The following SYN3 variants were observed in gnomAD, a reference collection of about 807,000 sequenced individuals.
SYN3 encodes the protein synapsin III, also known as synapsin-3.
In SYN3, 35 loss-of-function variants were observed where a neutral mutation model predicts 65.8. The ratio of observed to expected loss-of-function variants is 0.53; its 90% CI spans 0.41 to 0.70. The LOEUF (loss-of-function observed/expected upper bound fraction) is 0.70. Among genes scored for constraint, SYN3 ranks in the 30% least tolerant of loss-of-function variants. The pLI is 0.00. For synonymous variants in SYN3, 270 were observed against 292.9 expected (o/e 0.92, Z 0.80); for missense variants, 680 against 749.0 (o/e 0.91, Z 1.08).
At chr22:32,526,779 A>G (rs1324691809) in intron 12 of SYN3, among the ~76,000 whole-genome samples, 2 of 152,074 alleles carry the variant, frequency 1.3e-5, no homozygotes, top group South Asian at 2.1e-4. Context: ...TCGGCCTCCC[A>G]AAGTGCTGGG....
At chr22:32,912,898 T>C (rs1354812808) in intron 4 of SYN3, among the ~76,000 whole-genome samples, 2 of 152,094 alleles carry the variant, frequency 1.3e-5, no homozygotes, top group African/African-American at 4.8e-5. Flanking sequence ...AATTATTCTA[T>C]ACGATACCGC....
chr22:32,565,473 A>C (rs1464229846), intron 7 of SYN3, among the ~76,000 whole-genome samples: 2 of 150,876 alleles, frequency 1.3e-5, no homozygotes, highest in Non-Finnish European at 3.0e-5. Flanking sequence ...GTTTACGTAT[A>C]TACATATATA....
At chr22:32,909,886 G>A (rs1367739689) in intron 4 of SYN3, among the ~76,000 whole-genome samples, 1 of 152,140 alleles carries the variant, frequency 6.6e-6, no homozygotes, top group African/African-American at 2.4e-5. Flanking sequence ...GGGGGCACCT[G>A]TCAGCATTTG....
chr22:32,802,513 A>T (rs1274654341), intron 6 of SYN3, among the ~76,000 whole-genome samples: 5 of 142,474 alleles, frequency 3.5e-5, no homozygotes, highest in African/African-American at 1.3e-4. Context: ...TGAATAGTTA[A>T]AAAAAAAAAA....
rs766071754 is a variant in SYN3, at chr22:32,596,741, A to G, written c.712-5T>C. On this transcript the variant is annotated splice_polypyrimidine_tract_variant and splice_region_variant and intron_variant, in intron 6 of 13. Transcript: ENST00000358763. ...CGGGAAGTGTGGGGCTGTGACCTGA[A>G]AGAGACAAGAAGAAGTCACTCTTAA... 11 of 1,613,736 alleles carry G rather than the reference A, an allele frequency of 6.8e-6. No homozygotes were observed. The South Asian group carries it at 1.2e-4, about 18-fold the overall frequency.
In SYN3 at chr22:32,670,141, C is replaced by A. The variant is rs1008334498; in HGVS notation, c.712-73405G>T. ...TACCATTTAATATACATCATCACGG[C>A]TTCTTGGAAAGATTTCAGGATTGGT... On this transcript the variant is annotated intron_variant, in intron 6 of 13. Coordinates refer to ENST00000358763, the MANE Select transcript of SYN3 (RefSeq NM_003490.4). Among the ~76,000 whole-genome samples, 6 of 152,288 alleles carry A rather than the reference C, an allele frequency of 3.9e-5. No homozygotes were observed. In the South Asian group the frequency reaches 1.2e-3, roughly 32 times the overall value.
intron 4 of SYN3, among the ~76,000 whole-genome samples, chr22:32,928,378 A>G (rs985577326): frequency 6.6e-6 from 1 of 152,212 alleles, no homozygotes; most frequent in African/African-American, 2.4e-5. Flanking sequence ...TAACCTACCA[A>G]ACATCATCGC....
chr22:32,920,610 C>T (rs761681387), intron 4 of SYN3, among the ~76,000 whole-genome samples: 7 of 152,192 alleles, frequency 4.6e-5, no homozygotes, highest in Non-Finnish European at 1.0e-4. Context: ...TTACAAAGCA[C>T]TCCTAGAATC....
At chr22:33,007,626 A>C (rs2053229852) in intron 1 of SYN3, among the ~76,000 whole-genome samples, 1 of 152,224 alleles carries the variant, frequency 6.6e-6, no homozygotes, top group African/African-American at 2.4e-5. Flanking sequence ...GTGAAAGCAA[A>C]GGTAAAAGGC....
chr22:32,715,050 T>G lies in SYN3; in HGVS notation c.712-118314A>C, dbSNP rs1411529171. On this transcript the variant is annotated intron_variant, in intron 6 of 13. Transcript: ENST00000358763. ...ACAAGATAATAAAGGAATTTTATGA[T>G]GAAATACATTAGGAAAACCTACATG... Among the ~76,000 whole-genome samples, 4 of 152,210 alleles carry G rather than the reference T, an allele frequency of 2.6e-5. No individual in the cohort carries two copies. In the South Asian group the frequency reaches 8.3e-4, roughly 31 times the overall value.
intron 6 of SYN3, among the ~76,000 whole-genome samples, chr22:32,827,699 C>A (rs541730047): frequency 2.0e-3 from 311 of 152,330 alleles, no homozygotes; most frequent in African/African-American, 7.3e-3. Flanking sequence ...TCAAAGCCCT[C>A]CAGTGGCTTC....
At chr22:32,911,850 C>G (rs986651342) in intron 4 of SYN3, among the ~76,000 whole-genome samples, 1 of 152,138 alleles carries the variant, frequency 6.6e-6, no homozygotes, top group Admixed American at 6.5e-5. Context: ...GCTCTGTCAC[C>G]AGCAGAGGCC....
At chr22:32,601,905 G>A (rs925881919) in intron 6 of SYN3, among the ~76,000 whole-genome samples, 1 of 151,916 alleles carries the variant, frequency 6.6e-6, no homozygotes, top group Admixed American at 6.6e-5. Flanking sequence ...AGAAATGGTA[G>A]AGGGAGTGGG....
Position 32,522,602 on chromosome 22 carries a change from A to G in SYN3, c.1319-4268T>C, listed in dbSNP as rs533379965. On this transcript the variant is annotated intron_variant, in intron 12 of 13. Transcript: ENST00000358763. ...TGCATTAGTTACAAGGATTGTTAAT[A>G]ATAAACATGAAAAGCAATATGTATA... 1.6e-4 allele frequency among the ~76,000 whole-genome samples: 25 copies of G among 152,354 alleles called. 1 individual carries two copies. The highest frequency in any genetic ancestry group is 1.2e-3 in the South Asian group (6 of 4,822).
At chr22:33,022,307 G>A (rs2053574065) in intron 1 of SYN3, among the ~76,000 whole-genome samples, 1 of 152,142 alleles carries the variant, frequency 6.6e-6, no homozygotes, top group Non-Finnish European at 1.5e-5. Context: ...ATGAGCATAG[G>A]CAGTGAAGTC....
chr22:32,531,093 A>C (rs2058061731), intron 10 of SYN3, among the ~76,000 whole-genome samples: 1 of 146,086 alleles, frequency 6.8e-6, no homozygotes, highest in Non-Finnish European at 1.5e-5. Context: ...AGGGCCCCGG[A>C]AAACAGGCCT....
chr22:32,760,912 G>A (rs2045461309), intron 6 of SYN3, among the ~76,000 whole-genome samples: 2 of 152,220 alleles, frequency 1.3e-5, no homozygotes. Context: ...CCAGGCAGCT[G>A]GTCCAGGGTC....
At chr22:32,731,533 A>G (rs1432485171) in intron 6 of SYN3, among the ~76,000 whole-genome samples, 1 of 152,194 alleles carries the variant, frequency 6.6e-6, no homozygotes, top group Non-Finnish European at 1.5e-5. Context: ...GATGCAAGAT[A>G]CAACCCAGGC....
chr22:32,725,803 A>G (rs11704007), intron 6 of SYN3, among the ~76,000 whole-genome samples: 1,795 of 152,368 alleles, frequency 0.012, 15 homozygotes, highest in Non-Finnish European at 0.017. Flanking sequence ...TAAGCCACTA[A>G]GTGTATGGTC....
Sources: gnomAD v4.1 joint callset for allele counts (sites outside exome capture counted in the v4.1 genomes callset) on GRCh38, gnomAD v4.1.1 for gene constraint, MANE v1.5 for transcripts, NCBI Gene and HGNC (gene_info 2026-07-23, HGNC 2026-07-21) for gene names.